ACYP2: variants seen among roughly 807,000 people sequenced by gnomAD.
ACYP2 encodes acylphosphatase 2, also known as acylphosphatase-2.
Under a neutral mutation model 11.2 loss-of-function variants are expected in ACYP2, and 12 were observed. The ratio of observed to expected loss-of-function variants is 1.08; its 90% CI spans 0.69 to 1.74. ACYP2 has a LOEUF of 1.74. ACYP2 is among the 40% of genes most tolerant of loss of function. The pLI, the probability that ACYP2 is intolerant of heterozygous loss-of-function variation, is 0.00. For missense variants in ACYP2, 134 were observed against 101.9 expected (o/e 1.31, Z -1.35); for synonymous variants, 43 against 32.2 (o/e 1.33, Z -1.13).
At chr2:54,055,034 CTTTTTCTT>C (rs1314028321) in intron 3 of ACYP2, among the ~76,000 whole-genome samples, 2 of 151,974 alleles carry the variant, frequency 1.3e-5, no homozygotes, top group South Asian at 2.1e-4. Context: ...ACTGGTTTTT[CTTTTTCTT>C]TTTTTCTTTT....
Position 54,035,009 on chromosome 2 carries a change from C to CAAAAAAAAAAAAAAAAAAAAAAAA in ACYP2, c.63-15926_63-15925insAAAAAAAAAAAAAAAAAAAAAAAA, listed in dbSNP as rs550142135. Among the ~76,000 whole-genome samples, 59 of 44,774 alleles carry CAAAAAAAAAAAAAAAAAAAAAAAA rather than the reference C, an allele frequency of 1.3e-3. 6 individuals are homozygous for CAAAAAAAAAAAAAAAAAAAAAAAA. Among genetic ancestry groups the CAAAAAAAAAAAAAAAAAAAAAAAA allele is most frequent in the Non-Finnish European group, 1.8e-3 (34 of 18,950 alleles). 29.4% of individuals were successfully genotyped at this position (44,774 alleles called of 152,430 possible). ...CAGGCGACAGTGCGAGACTACATCT[C>CAAAAAAAAAAAAAAAAAAAAAAAA]AAAAAAAAAAAAAAAAAAAAAAAGC... is the stretch of plus-strand genomic sequence containing the variant. On this transcript the variant is annotated intron_variant, in intron 2 of 6. Coordinates refer to ENST00000607452, the MANE Select transcript of ACYP2 (RefSeq NM_001320586.2).
chr2:54,265,405 A>G (rs1687972640), intron 6 of ACYP2, among the ~76,000 whole-genome samples: 1 of 152,228 alleles, frequency 6.6e-6, no homozygotes, highest in African/African-American at 2.4e-5. Context: ...CCCATGATTC[A>G]GTGATCTCCC....
At chr2:54,156,786 C>A (rs1033284925) in intron 6 of ACYP2, among the ~76,000 whole-genome samples, 6 of 152,132 alleles carry the variant, frequency 3.9e-5, no homozygotes, top group African/African-American at 1.4e-4. Flanking sequence ...CCTGCCTCAG[C>A]CTCCCAAGTA....
intron 2 of ACYP2, among the ~76,000 whole-genome samples, chr2:54,049,233 C>T (rs1272034044): frequency 6.6e-6 from 1 of 151,942 alleles, no homozygotes; most frequent in Non-Finnish European, 1.5e-5. Flanking sequence ...TGCACTCCAG[C>T]CTGAGTGACA....
chr2:54,179,121 G>T (rs1683596741), intron 6 of ACYP2, among the ~76,000 whole-genome samples: 1 of 151,908 alleles, frequency 6.6e-6, no homozygotes, highest in Non-Finnish European at 1.5e-5. Context: ...AGCACATTAA[G>T]GGAATGCCTT....
In ACYP2 at chr2:53,994,329, CAAAAAAAAAAA is replaced by C. The variant is rs374302355; in HGVS notation, c.62+20532_62+20542del. Among the ~76,000 whole-genome samples the C allele has an allele frequency of 1.4e-4, 6 of 42,870 alleles. No individual in the cohort carries two copies. In the South Asian group the frequency reaches 4.2e-3, roughly 30 times the overall value. The allele number at this position is 42,870 out of a possible 152,430, so 28.1% of individuals were successfully genotyped here. A position where few individuals can be genotyped will look rare whatever the true frequency, so the allele number is the denominator to read the frequency against. The stretch of plus-strand genomic sequence containing the variant: ...TGGGTAACAGAGCAAGACTCCGTCT[CAAAAAAAAAAA>C]AAAAAAAAAAAACGAAAAAAAACAA... On this transcript the variant is annotated intron_variant, in intron 2 of 6. Transcript: ENST00000607452.
At chr2:54,211,393 T>A (rs1342504634) in intron 6 of ACYP2, among the ~76,000 whole-genome samples, 1 of 152,210 alleles carries the variant, frequency 6.6e-6, no homozygotes, top group East Asian at 1.9e-4. Context: ...TTAACTAATA[T>A]GAAATATGCA....
At chr2:54,233,001 A>T (rs563040387) in intron 6 of ACYP2, among the ~76,000 whole-genome samples, 1 of 152,226 alleles carries the variant, frequency 6.6e-6, no homozygotes, top group South Asian at 2.1e-4. Context: ...GGTTTCTTTT[A>T]AAATTTTTTT....
intron 6 of ACYP2, among the ~76,000 whole-genome samples, chr2:54,238,536 T>C (rs1480626191): frequency 6.6e-6 from 1 of 152,198 alleles, no homozygotes; most frequent in African/African-American, 2.4e-5. Context: ...AATGTAAAGA[T>C]AGTATCATTG....
At chr2:54,164,453 T>A (rs973006006) in intron 6 of ACYP2, among the ~76,000 whole-genome samples, 2 of 152,108 alleles carry the variant, frequency 1.3e-5, no homozygotes, top group African/African-American at 4.8e-5. Flanking sequence ...CAGGATGAAT[T>A]CAAATGACAG....
At chr2:54,284,600 C>T (rs1573050108) in intron 6 of ACYP2, among the ~76,000 whole-genome samples, 2 of 152,052 alleles carry the variant, frequency 1.3e-5, no homozygotes, top group South Asian at 2.1e-4. Context: ...TTTTTTATCC[C>T]ATCATTCCCA....
intron 2 of ACYP2, among the ~76,000 whole-genome samples, chr2:54,023,898 C>T (rs575683724): frequency 6.6e-6 from 1 of 152,216 alleles, no homozygotes; most frequent in East Asian, 1.9e-4. Flanking sequence ...ATTCTGTTGA[C>T]ACTATTCCAG....
At chr2:54,082,524 G>C (rs562613547) in intron 4 of ACYP2, 1 of 152,248 alleles carries the variant, frequency 6.6e-6, no homozygotes, top group Non-Finnish European at 1.5e-5. Context: ...GAGATTACAG[G>C]TGTGAGCCAC....
chr2:54,108,659 G>A (rs1025296491), intron 4 of ACYP2, among the ~76,000 whole-genome samples: 3 of 151,944 alleles, frequency 2.0e-5, no homozygotes, highest in Admixed American at 6.6e-5. Context: ...GCCCTTTTTC[G>A]CCTTCCCTGT....
intron 6 of ACYP2, among the ~76,000 whole-genome samples, chr2:54,276,658 CACACCA>C (rs1558662915): frequency 7.4e-6 from 1 of 135,038 alleles, no homozygotes; most frequent in Non-Finnish European, 1.6e-5. Context: ...CACACACACA[CACACCA>C]CACACAAGAA....
intron 2 of ACYP2, among the ~76,000 whole-genome samples, chr2:53,980,322 C>T (rs1381743664): frequency 7.9e-5 from 12 of 151,440 alleles, no homozygotes; most frequent in Non-Finnish European, 1.6e-4. Flanking sequence ...CACTGTGTTC[C>T]AGCCTGGGAG....
intron 2 of ACYP2, among the ~76,000 whole-genome samples, chr2:54,039,520 G>C (rs558182611): frequency 1.4e-4 from 21 of 151,560 alleles, no homozygotes; most frequent in Non-Finnish European, 2.8e-4. Flanking sequence ...TCGAACTCCT[G>C]AGCTCAAGCA....
At chr2:54,013,729 GAAA>G (rs377271771) in intron 2 of ACYP2, among the ~76,000 whole-genome samples, 1 of 101,354 alleles carries the variant, frequency 9.9e-6, no homozygotes, top group African/African-American at 3.5e-5. Context: ...AGAGAAAAAA[GAAA>G]AAAAAAAAAA....
chr2:54,148,081 C>A (rs928893270), intron 6 of ACYP2, among the ~76,000 whole-genome samples: 2 of 152,084 alleles, frequency 1.3e-5, no homozygotes, highest in African/African-American at 4.8e-5. Context: ...AGGAAAAGTG[C>A]AGCTGCACAT....
Sources: gnomAD v4.1 joint callset for allele counts (sites outside exome capture counted in the v4.1 genomes callset) on GRCh38, gnomAD v4.1.1 for gene constraint, MANE v1.5 for transcripts, NCBI Gene and HGNC (gene_info 2026-07-23, HGNC 2026-07-21) for gene names.